The following ARID1B variants were observed in gnomAD, a reference collection of about 807,000 sequenced individuals.
ARID1B encodes the protein AT-rich interactive domain-containing protein 1B.
ARID1B carries 30 observed loss-of-function variants against 212.3 expected under a neutral mutation model. The ratio of observed to expected loss-of-function variants is 0.14; its 90% CI spans 0.11 to 0.19. ARID1B has a LOEUF of 0.19. Ranked by LOEUF, ARID1B falls within the 10% of genes least tolerant of loss-of-function variation. The probability of loss-of-function intolerance (pLI) is 1.00; values close to 1 mark genes in which losing one functional copy is unlikely to be tolerated. For missense variants in ARID1B, 2,891 were observed against 3,204.0 expected, an observed-to-expected ratio of 0.90 and a Z score of 2.36; for synonymous variants, 1,402 against 1,301.7, an observed-to-expected ratio of 1.08 and a Z score of -1.66.
At chr6:157,100,437 A>G (rs1315806984) in intron 5 of ARID1B, among the ~76,000 whole-genome samples, 1 of 152,236 alleles carries the variant, frequency 6.6e-6, no homozygotes. Flanking sequence ...TGCTTGGAGC[A>G]TATCGAAGTT....
intron 4 of ARID1B, among the ~76,000 whole-genome samples, chr6:156,950,283 T>G (rs1396467883): frequency 6.6e-6 from 1 of 152,178 alleles, no homozygotes; most frequent in African/African-American, 2.4e-5. Context: ...CTCAAAGAGT[T>G]TTCAGAGTTT....
intron 1 of ARID1B, among the ~76,000 whole-genome samples, chr6:156,792,600 C>T (rs577597306): frequency 4.6e-5 from 7 of 152,166 alleles, no homozygotes; most frequent in East Asian, 3.9e-4. Flanking sequence ...GCTGATAGGA[C>T]GAGATGCATA....
chr6:157,164,519 T>C (rs1486930815), intron 8 of ARID1B: 1 of 152,258 alleles, frequency 6.6e-6, no homozygotes, highest in Non-Finnish European at 1.5e-5. Flanking sequence ...AGTTACACTA[T>C]ATATGAGACG....
At chr6:156,963,262 G>A (rs1244134034) in intron 4 of ARID1B, among the ~76,000 whole-genome samples, 1 of 152,172 alleles carries the variant, frequency 6.6e-6, no homozygotes, top group Admixed American at 6.5e-5. Flanking sequence ...GTTCAGTGAT[G>A]TTAAGTTTTC....
intron 4 of ARID1B, among the ~76,000 whole-genome samples, chr6:156,945,269 GTGA>G (rs1793028359): frequency 5.6e-4 from 17 of 30,144 alleles, no homozygotes; most frequent in African/African-American, 1.5e-3. Flanking sequence ...TTTTTTTTTT[GTGA>G]GTGTTTAGAG....
intron 1 of ARID1B, among the ~76,000 whole-genome samples, chr6:156,799,698 G>A (rs763645492): frequency 2.6e-5 from 4 of 152,206 alleles, no homozygotes; most frequent in African/African-American, 4.8e-5. Context: ...GGCTGGTCTC[G>A]AACTCGTGAC....
intron 4 of ARID1B, among the ~76,000 whole-genome samples, chr6:157,004,102 G>A (rs1779065567): frequency 6.6e-6 from 1 of 152,036 alleles, no homozygotes; most frequent in African/African-American, 2.4e-5. Context: ...ATGAGGTCTG[G>A]CTATATTGCC....
At chr6:156,782,789 G>C (rs1172430773) in intron 1 of ARID1B, among the ~76,000 whole-genome samples, 2 of 152,116 alleles carry the variant, frequency 1.3e-5, no homozygotes, top group African/African-American at 2.4e-5. Context: ...TGTATAGTTA[G>C]AAAAGGTGGA....
rs767529376 is a variant in ARID1B at position 156,778,755 on chromosome 6, G to C, written c.1075G>C (p.Ala359Pro). The change falls in exon 1 of 20, where the codon GCC becomes CCC. Residue 359 changes from alanine (A) to proline (P), a missense_variant. Physicochemically the swap from Ala to Pro is conservative, Grantham distance 27 (BLOSUM62 -1). Transcript: ENST00000636930. ...CTCCGCCTCCGCCGCCGCCGCCGGG[G>C]CCCCCGGCAGCATGGACCCCCTGCA... ...MHSASAAAAG[A>P]PGSMDPLQNS... 5.3e-6 allele frequency: 8 copies of C among 1,522,976 alleles called. 1 individual carries two copies. In the African/African-American group the frequency reaches 5.7e-5, roughly 11 times the overall value. The allele number at this position is 1,522,976 out of a possible 1,614,324, so 94.3% of individuals were successfully genotyped here. A position where few individuals can be genotyped will look rare whatever the true frequency, so the allele number is the denominator to read the frequency against.
intron 9 of ARID1B, 173 bp from the exon 10 acceptor site, chr6:157,173,835 G>A: frequency 1.8e-6 from 1 of 564,226 alleles, no homozygotes; most frequent in Non-Finnish European, 3.1e-6. Flanking sequence ...CCAGAATGCG[G>A]TGCTGTTTGC....
chr6:157,063,923 C>T (rs1014761168), intron 4 of ARID1B, among the ~76,000 whole-genome samples: 4 of 152,224 alleles, frequency 2.6e-5, no homozygotes, highest in Non-Finnish European at 5.9e-5. Context: ...GATGAAGACT[C>T]ATGGACCACA....
Position 156,954,203 on chromosome 6 carries a change from CT to C in ARID1B, c.2247+18639del, listed in dbSNP as rs531260991. Among the ~76,000 whole-genome samples, 651 of 139,214 alleles carry C rather than the reference CT, an allele frequency of 4.7e-3. 1 individual carries two copies. The highest frequency in any genetic ancestry group is 7.5e-3 in the South Asian group (33 of 4,404). 91.3% of individuals were successfully genotyped at this position (139,214 alleles called of 152,430 possible). A position where few individuals can be genotyped will look rare whatever the true frequency, so the allele number is the denominator to read the frequency against. ...CTTTTAAAATATTAAAAATGAAGTTCTTTTTTTTTTTTAATGTATGAGTGAT... is the reference window on the plus strand; with the variant it reads ...CTTTTAAAATATTAAAAATGAAGTTCTTTTTTTTTTTAATGTATGAGTGAT... On this transcript the variant is annotated intron_variant, in intron 4 of 19. Transcript: ENST00000636930.
chr6:157,140,872 C>T (rs183884306), intron 7 of ARID1B: 2 of 391,252 alleles, frequency 5.1e-6, no homozygotes, highest in Admixed American at 8.9e-5. Flanking sequence ...AGTCCTCCCT[C>T]CTGTGTTTCT....
chr6:157,056,772 A>G (rs1015057191), intron 4 of ARID1B, among the ~76,000 whole-genome samples: 3 of 152,144 alleles, frequency 2.0e-5, no homozygotes, highest in African/African-American at 7.2e-5. Context: ...TTTTTGGAGC[A>G]TATAAGGAGA....
In ARID1B at chr6:156,778,200, C is replaced by T. The variant is rs1283306224; in HGVS notation, c.520C>T (p.His174Tyr). The stretch of plus-strand genomic sequence containing the variant: ...GCAGCACCACCACCACCACCATGCC[C>T]ACCACCACCACCACCATGCCCACCA... ...HQQHHHHHHA[H>Y]HHHHHAHHLH... The change falls in exon 1 of 20, where the codon CAC becomes TAC. Residue 174 changes from histidine (H) to tyrosine (Y), a missense_variant. By Grantham distance (83) the His-to-Tyr change is moderately conservative. Transcript: ENST00000636930. The T allele has an allele frequency of 6.6e-7, 1 of 1,517,734 alleles. No individual in the cohort carries two copies. The highest frequency in any genetic ancestry group is 8.8e-7 in the Non-Finnish European group (1 of 1,131,402). The allele number at this position is 1,517,734 out of a possible 1,614,324, so 94.0% of individuals were successfully genotyped here.
At chr6:156,832,534 T>C (rs184210104) in intron 2 of ARID1B, among the ~76,000 whole-genome samples, 2 of 152,314 alleles carry the variant, frequency 1.3e-5, no homozygotes, top group East Asian at 3.9e-4. Flanking sequence ...TTAATATTGC[T>C]CGTATATTTC....
chr6:156,952,862 T>G (rs1793687990), intron 4 of ARID1B, among the ~76,000 whole-genome samples: 1 of 152,232 alleles, frequency 6.6e-6, no homozygotes, highest in African/African-American at 2.4e-5. Flanking sequence ...GGCTAGTCAT[T>G]TATGACTTTC....
chr6:156,801,020 A>G (rs980350944), intron 1 of ARID1B, among the ~76,000 whole-genome samples: 2 of 152,152 alleles, frequency 1.3e-5, no homozygotes, highest in East Asian at 3.8e-4. Context: ...TAGATCTAGA[A>G]CATTCTCATC....
In ARID1B at chr6:157,207,166, A is replaced by G; in HGVS notation, c.6394A>G (p.Lys2132Glu). The change falls in exon 20 of 20, where the codon AAA (lysine) becomes GAA (glutamate). Residue 2132 changes from lysine (K) to glutamate (E), a missense_variant. Lys to Glu is a moderately conservative substitution (Grantham distance 56). Around this residue, in one of 7 missense-constraint regions of ARID1B, gnomAD observed 41 missense variants for 40.4 expected, o/e 1.01. Transcript: ENST00000636930. The surrounding 1 kb of genome is among the most constrained non-coding windows in gnomAD (Gnocchi z 8.5). ...TGAGGACAAGGGGGTGGCCTGCAGCAAAGATGAGTGGTGGTGGGACTGCCT... is the reference window on the plus strand; with the variant it reads ...TGAGGACAAGGGGGTGGCCTGCAGCGAAGATGAGTGGTGGTGGGACTGCCT... ...EDEDKGVACSKDEWWWDCLEV... is the reference protein window; with the variant it reads ...EDEDKGVACSEDEWWWDCLEV... The G allele has an allele frequency of 1.2e-6, 2 of 1,614,226 alleles. No individual in the cohort carries two copies. The highest frequency in any genetic ancestry group is 1.7e-6 in the Non-Finnish European group (2 of 1,180,042).
Sources: gnomAD v4.1 joint callset for allele counts (sites outside exome capture counted in the v4.1 genomes callset) on GRCh38, gnomAD v4.1.1 for gene constraint, gnomAD v4.1.1 regional missense constraint, Gnocchi (gnomAD v3.1) non-coding constraint, MANE v1.5 for transcripts, NCBI Gene and HGNC (gene_info 2026-07-23, HGNC 2026-07-21) for gene names.